The following EXOC6B variants were observed in gnomAD, a reference collection of about 807,000 sequenced individuals.
The protein encoded by EXOC6B is exocyst complex component 6B.
A neutral mutation model predicts 113.5 loss-of-function variants in EXOC6B; 54 were observed. The observed-to-expected ratio is 0.48, with a 90% confidence interval of 0.38 to 0.60. The LOEUF (loss-of-function observed/expected upper bound fraction) is 0.60, where lower values mean the gene tolerates loss of function less well. EXOC6B is among the 20% of genes least tolerant of loss of function. EXOC6B has a pLI of 0.00. For synonymous variants in EXOC6B, 357 were observed against 339.0 expected, an observed-to-expected ratio of 1.05 and a Z score of -0.58; for missense variants, 797 against 977.5, an observed-to-expected ratio of 0.82 and a Z score of 2.46.
intron 7 of EXOC6B, among the ~76,000 whole-genome samples, chr2:72,560,693 A>G (rs1703841861): frequency 6.6e-6 from 1 of 152,110 alleles, no homozygotes; most frequent in Non-Finnish European, 1.5e-5. Context: ...TCTGCTTCGC[A>G]CCCATGAGAG....
intron 6 of EXOC6B, among the ~76,000 whole-genome samples, chr2:72,645,377 T>C (rs530557879): frequency 1.7e-4 from 26 of 152,100 alleles, no homozygotes; most frequent in Non-Finnish European, 3.5e-4. Flanking sequence ...ATTAGACAGA[T>C]AAATGAGACA....
intron 7 of EXOC6B, among the ~76,000 whole-genome samples, chr2:72,570,223 G>T (rs1008105941): frequency 6.6e-6 from 1 of 152,138 alleles, no homozygotes; most frequent in Non-Finnish European, 1.5e-5. Context: ...CGGCTAGAAG[G>T]CAACTATCTG....
rs1573776554 is a variant in EXOC6B at position 72,775,236 on chromosome 2, G to T, written c.114-33767C>A. Among the ~76,000 whole-genome samples the T allele has an allele frequency of 2.6e-5, 4 of 152,300 alleles. No individual in the cohort carries two copies. The South Asian group carries it at 8.3e-4, about 32-fold the overall frequency. Reference sequence around the variant, plus strand: ...ATTGGGGCTCTCTCCCCTCCCTGGAGGTTGGGGGAAGAAGTTGAGTATTCC... The same window carrying T: ...ATTGGGGCTCTCTCCCCTCCCTGGATGTTGGGGGAAGAAGTTGAGTATTCC... On this transcript the variant is annotated intron_variant, in intron 1 of 21. Transcript: ENST00000272427.
At chr2:72,311,495 C>A (rs1687183328) in intron 20 of EXOC6B, among the ~76,000 whole-genome samples, 1 of 152,110 alleles carries the variant, frequency 6.6e-6, no homozygotes, top group African/African-American at 2.4e-5. Flanking sequence ...CCCCCTTCTT[C>A]TTCTACCTCA....
At chr2:72,341,560 G>A (rs1689032594) in intron 19 of EXOC6B, among the ~76,000 whole-genome samples, 1 of 152,098 alleles carries the variant, frequency 6.6e-6, no homozygotes, top group East Asian at 1.9e-4. Flanking sequence ...CAATTCATCA[G>A]GAGGATATGG....
At chr2:72,495,125 TA>T (rs1391493545) in intron 15 of EXOC6B, among the ~76,000 whole-genome samples, 1 of 152,130 alleles carries the variant, frequency 6.6e-6, no homozygotes, top group Non-Finnish European at 1.5e-5. Flanking sequence ...CCCAAAGTGC[TA>T]GGATTACAAA....
At chr2:72,588,117 T>C (rs1419347064) in intron 6 of EXOC6B, among the ~76,000 whole-genome samples, 4 of 152,130 alleles carry the variant, frequency 2.6e-5, no homozygotes, top group Admixed American at 6.6e-5. Flanking sequence ...GAAAACAGTA[T>C]GTAGGTTCCT....
chr2:72,484,962 A>T (rs6714419), intron 16 of EXOC6B, among the ~76,000 whole-genome samples: 58,737 of 152,064 alleles, frequency 0.39, 17,376 homozygotes, highest in African/African-American at 0.83. Flanking sequence ...GAATGATTTA[A>T]ATTCCTTTGG....
chr2:72,644,530 A>G (rs1012476682), intron 6 of EXOC6B, among the ~76,000 whole-genome samples: 4 of 152,292 alleles, frequency 2.6e-5, no homozygotes, highest in Middle Eastern at 6.8e-3. Flanking sequence ...GTTAACGGCA[A>G]CCAGAGAGAA....
chr2:72,291,493 G>A (rs763260403), intron 20 of EXOC6B, among the ~76,000 whole-genome samples: 4 of 152,144 alleles, frequency 2.6e-5, no homozygotes, highest in African/African-American at 4.8e-5. Flanking sequence ...GAATCTCAGC[G>A]GCTGAGAAGG....
intron 2 of EXOC6B, among the ~76,000 whole-genome samples, chr2:72,740,254 T>C (rs1426228330): frequency 6.6e-6 from 1 of 152,180 alleles, no homozygotes; most frequent in Admixed American, 6.5e-5. Context: ...ACTGTCAAGT[T>C]AACCCCATGC....
chr2:72,383,479 T>TA (rs537356196), intron 18 of EXOC6B, among the ~76,000 whole-genome samples: 47 of 149,328 alleles, frequency 3.1e-4, no homozygotes, highest in Middle Eastern at 3.5e-3. Flanking sequence ...TGGCTATTAT[T>TA]AAAAAAAAAA....
rs148711200 is a variant in EXOC6B, at chr2:72,495,464, C to T, written c.1519G>A (p.Ala507Thr). Reference sequence around the variant, plus strand: ...AGATCTTCTGAAAACTTCAGACAAGCGTAGATAAATTCTTTAATTTGGTTG... The same window carrying T: ...AGATCTTCTGAAAACTTCAGACAAGTGTAGATAAATTCTTTAATTTGGTTG... ...VYNQIKEFIY[A>T]CLKFSEDLHL... The change falls in exon 15 of 22, where the codon GCT becomes ACT. Residue 507 changes from alanine to threonine, a missense_variant. Coordinates refer to ENST00000272427, the MANE Select transcript of EXOC6B (RefSeq NM_015189.3). 3.9e-5 allele frequency: 62 copies of T among 1,604,374 alleles called. No individual in the cohort carries two copies. The highest frequency in any genetic ancestry group is 2.5e-4 in the East Asian group (11 of 44,622).
chr2:72,588,322 T>C (rs1705715437), intron 6 of EXOC6B, among the ~76,000 whole-genome samples: 1 of 152,088 alleles, frequency 6.6e-6, no homozygotes, highest in Admixed American at 6.6e-5. Flanking sequence ...ATGTGGCATA[T>C]ACATACAATG....
At chr2:72,671,747 C>T (rs902976977) in intron 6 of EXOC6B, among the ~76,000 whole-genome samples, 3 of 84,858 alleles carry the variant, frequency 3.5e-5, no homozygotes, top group Non-Finnish European at 6.7e-5. Context: ...GAGAGAGAGA[C>T]AGAGAAAGAA....
intron 1 of EXOC6B, among the ~76,000 whole-genome samples, chr2:72,814,946 G>C (rs1387667609): frequency 6.6e-6 from 1 of 152,182 alleles, no homozygotes; most frequent in African/African-American, 2.4e-5. Flanking sequence ...AACCGAGATC[G>C]TGCCACTGCA....
chr2:72,781,628 C>T (rs369681065), intron 1 of EXOC6B, among the ~76,000 whole-genome samples: 2 of 152,078 alleles, frequency 1.3e-5, no homozygotes, highest in African/African-American at 4.8e-5. Context: ...GGCAACAGAT[C>T]GCATGTGGCC....
intron 17 of EXOC6B, among the ~76,000 whole-genome samples, chr2:72,466,289 G>A (rs1377365867): frequency 2.0e-5 from 3 of 149,668 alleles, no homozygotes; most frequent in Admixed American, 6.7e-5. Flanking sequence ...AGGTTGCAGT[G>A]AGGCGAGATT....
At position 72,614,358 on chromosome 2, in the gene EXOC6B, C is replaced by G. The variant is rs144502377; in HGVS notation, c.670-38690G>C. Among the ~76,000 whole-genome samples the G allele has an allele frequency of 1.9e-4, 29 of 152,194 alleles. No individual in the cohort carries two copies. The East Asian group carries it at 5.4e-3, about 28-fold the overall frequency. ...CATGAAACAGGGGCAGGGCAGGGAA[C>G]CAGGAGATAAAGAGGGGAATTTCCT... On this transcript the variant is annotated intron_variant, in intron 6 of 21. Coordinates refer to ENST00000272427, the MANE Select transcript of EXOC6B (RefSeq NM_015189.3).
Sources: allele counts gnomAD v4.1 joint callset (sites outside exome capture counted in the v4.1 genomes callset), GRCh38; gene constraint gnomAD v4.1.1; transcripts MANE v1.5; gene names NCBI Gene and HGNC (gene_info 2026-07-23, HGNC 2026-07-21).